Variants in TRAPPC11 observed in about 807,000 individuals in gnomAD.
TRAPPC11 encodes trafficking protein particle complex subunit 11, also known as foie gras homolog.
A neutral mutation model predicts 151.2 loss-of-function variants in TRAPPC11; 104 were observed. That is an observed-to-expected ratio of 0.69 (90% confidence interval 0.59 to 0.81). TRAPPC11 has a LOEUF of 0.81. TRAPPC11 is among the 30% of genes least tolerant of loss of function. The probability of loss-of-function intolerance (pLI) is 0.00; values close to 1 mark genes in which losing one functional copy is unlikely to be tolerated. For missense variants in TRAPPC11, 1,230 were observed against 1,349.6 expected (o/e 0.91, Z 1.39); for synonymous variants, 456 against 472.3 (o/e 0.97, Z 0.45).
Position 183,693,039 on chromosome 4 carries a change from C to A in TRAPPC11, c.2129C>A (p.Ala710Asp). ...VLNWQGGGGD[A>D]ASSQEALQAA... The stretch of plus-strand genomic sequence containing the variant: ...AATTGGCAGGGAGGAGGAGGAGATG[C>A]TGCTTCCTCCCAAGAAGCCTTACAG... The change falls in exon 20 of 30, where the codon GCT becomes GAT. Residue 710 changes from alanine (A) to aspartate (D), a missense_variant. Coordinates refer to ENST00000334690, the MANE Select transcript of TRAPPC11 (RefSeq NM_021942.6). The A allele has an allele frequency of 6.2e-7, 1 of 1,613,774 alleles. No individual in the cohort carries two copies. The highest frequency in any genetic ancestry group is 8.5e-7 in the Non-Finnish European group (1 of 1,179,826).
intron 23 of TRAPPC11, among the ~76,000 whole-genome samples, chr4:183,696,544 C>T (rs1736549042): frequency 6.6e-6 from 1 of 152,058 alleles, no homozygotes; most frequent in African/African-American, 2.4e-5. Context: ...TACAGGTGTG[C>T]ACCACCATAC....
At chr4:183,685,839 A>C (rs1426403411) in intron 17 of TRAPPC11, among the ~76,000 whole-genome samples, 1 of 151,590 alleles carries the variant, frequency 6.6e-6, no homozygotes, top group Non-Finnish European at 1.5e-5. Flanking sequence ...CATTTATTTT[A>C]TTTTTCTTTT....
At chr4:183,666,629 A>G (rs1296834509) in intron 3 of TRAPPC11, among the ~76,000 whole-genome samples, 2 of 152,164 alleles carry the variant, frequency 1.3e-5, no homozygotes, top group African/African-American at 4.8e-5. Flanking sequence ...TTAGAAGACT[A>G]ATTGGTCTGA....
chr4:183,692,925 G>A (rs746474518), intron 19 of TRAPPC11, 35 bp from the exon 20 acceptor site: 1 of 1,573,992 alleles, frequency 6.4e-7, no homozygotes, highest in Non-Finnish European at 8.6e-7. Flanking sequence ...GCACATATGA[G>A]ATGACATTTC....
intron 2 of TRAPPC11, among the ~76,000 whole-genome samples, chr4:183,665,317 A>C (rs1330961587): frequency 6.6e-6 from 1 of 151,862 alleles, no homozygotes; most frequent in East Asian, 1.9e-4. Context: ...GATGGTCTCG[A>C]TCTCCTGACC....
At chr4:183,667,636 A>G (rs1397043063) in intron 4 of TRAPPC11, among the ~76,000 whole-genome samples, 1 of 152,182 alleles carries the variant, frequency 6.6e-6, no homozygotes, top group Non-Finnish European at 1.5e-5. Context: ...GTAGACCAAA[A>G]TATATTTTTG....
chr4:183,694,794 C>A (rs1388879741), intron 23 of TRAPPC11, 71 bp downstream of exon 23: 1 of 1,504,018 alleles, frequency 6.6e-7, no homozygotes, highest in African/African-American at 1.4e-5. Context: ...TTTAGTTTAC[C>A]TATAAAATAA....
At chr4:183,672,960 ATTT>A (rs35637688) in intron 5 of TRAPPC11, among the ~76,000 whole-genome samples, 10 of 131,006 alleles carry the variant, frequency 7.6e-5, no homozygotes, top group East Asian at 2.2e-4. Flanking sequence ...CCGTTCGCAA[ATTT>A]TTTTTTTTTT....
rs185570336 is a variant in TRAPPC11, at chr4:183,683,970, C to G, written c.1208-5C>G. ...CTAAAATGAGTTGTGTCTCATCTTA[C>G]GCAGGTTTTGATCTTTCTGATCCTG... On this transcript the variant is annotated splice_region_variant and splice_polypyrimidine_tract_variant and intron_variant, in intron 11 of 29. Transcript: ENST00000334690. 4 of 1,612,570 alleles carry G rather than the reference C, an allele frequency of 2.5e-6. No homozygotes were observed. The highest frequency in any genetic ancestry group is 2.5e-6 in the Non-Finnish European group (3 of 1,178,840).
chr4:183,700,576 T>C (rs1032571424), intron 25 of TRAPPC11, among the ~76,000 whole-genome samples: 2 of 152,174 alleles, frequency 1.3e-5, no homozygotes, highest in African/African-American at 2.4e-5. Flanking sequence ...TGGGCGCTTA[T>C]CTTGTCATCA....
At chr4:183,680,838 G>A (rs112790473) in intron 10 of TRAPPC11, among the ~76,000 whole-genome samples, 12 of 151,824 alleles carry the variant, frequency 7.9e-5, no homozygotes, top group African/African-American at 1.7e-4. Flanking sequence ...GATTACAGGC[G>A]CCCGCCACCA....
rs766190717 is a variant in TRAPPC11, at chr4:183,675,250, T to G, written c.734+13T>G. The G allele has an allele frequency of 3.4e-6, 5 of 1,484,560 alleles. No homozygotes were observed. In the Admixed American group the frequency reaches 8.9e-5, roughly 26 times the overall value. The allele number at this position is 1,484,560 out of a possible 1,614,324, so 92.0% of individuals were successfully genotyped here. A position where few individuals can be genotyped will look rare whatever the true frequency, so the allele number is the denominator to read the frequency against. On this transcript the variant is annotated intron_variant, in intron 7 of 29. Coordinates refer to ENST00000334690, the MANE Select transcript of TRAPPC11 (RefSeq NM_021942.6). ...AAAATGCGCTGAAGTAAGTTAAGCT[T>G]TCAAACTAAATGTTTCCTATTTTTA... is the stretch of plus-strand genomic sequence containing the variant.
rs545880311 is a variant in TRAPPC11, at chr4:183,670,443, G to T, written c.560+2326G>T. Among the ~76,000 whole-genome samples, 7 of 152,158 alleles carry T rather than the reference G, an allele frequency of 4.6e-5. No individual in the cohort carries two copies. The South Asian group carries it at 1.4e-3, about 31-fold the overall frequency. On this transcript the variant is annotated intron_variant, in intron 5 of 29. Coordinates refer to ENST00000334690, the MANE Select transcript of TRAPPC11 (RefSeq NM_021942.6). ...CCTCTTAGGACAATAGGCTGTCTGTGTCATGCTTACTAGCAGCTGTTTAAA... is the reference window on the plus strand; with the variant it reads ...CCTCTTAGGACAATAGGCTGTCTGTTTCATGCTTACTAGCAGCTGTTTAAA...
At chr4:183,661,779 T>TTTTTG (rs1734561439) in intron 1 of TRAPPC11, among the ~76,000 whole-genome samples, 2 of 142,258 alleles carry the variant, frequency 1.4e-5, no homozygotes, top group Admixed American at 6.9e-5. Context: ...TTTTTTTTTT[T>TTTTTG]GTGGCACAAT....
chr4:183,713,273 T>C lies in TRAPPC11; in HGVS notation c.*629T>C, dbSNP rs2111115682. The C allele has an allele frequency of 6.6e-6, 1 of 152,464 alleles. No individual in the cohort carries two copies. The highest frequency in any genetic ancestry group is 1.5e-5 in the Non-Finnish European group (1 of 68,040). The allele number at this position is 152,464 out of a possible 1,614,324, so 9.4% of individuals were successfully genotyped here. ...TCATTTATGAAGCAGGTTCATATTT[T>C]AGAGGTGTTAATAAAATCCTCATCG... On this transcript the variant is annotated 3_prime_UTR_variant, in exon 30 of 30. Transcript: ENST00000334690.
rs760919915 is a variant in TRAPPC11 at position 183,693,639 on chromosome 4, C to T, written c.2288C>T (p.Pro763Leu). 6.2e-7 allele frequency: 1 copy of T among 1,614,164 alleles called. No homozygotes were observed. Among genetic ancestry groups the T allele is most frequent in the South Asian group, 1.1e-5 (1 of 91,086 alleles). Reference protein sequence around the residue: ...NISVHLLHEPPALTNEMYCLV... With the variant: ...NISVHLLHEPLALTNEMYCLV... ...TCTGTACATCTGCTACATGAACCCC[C>T]TGCACTGACTAATGAAATGTATTGT... Residue 763 changes from proline (P) to leucine (L), a missense_variant, in exon 21 of 30, where the codon CCT becomes CTT. Pro to Leu is a moderately conservative substitution (Grantham distance 98, BLOSUM62 -3). Transcript: ENST00000334690.
At chr4:183,665,471 T>C (rs1734833201) in intron 2 of TRAPPC11, among the ~76,000 whole-genome samples, 1 of 152,234 alleles carries the variant, frequency 6.6e-6, no homozygotes, top group South Asian at 2.1e-4. Flanking sequence ...TTTCTCTTAA[T>C]GCTCGAATTC....
chr4:183,689,929 G>A (rs957394675), intron 18 of TRAPPC11, among the ~76,000 whole-genome samples: 1 of 152,208 alleles, frequency 6.6e-6, no homozygotes. Flanking sequence ...CAGGCGGGGC[G>A]CAGTGGCTCA....
In TRAPPC11 at chr4:183,672,193, G is replaced by A. The variant is rs146583769; in HGVS notation, c.561-2520G>A. ...AAATAAATAGATGTGACCTGGGAAGGTTTAAGGAAGAGGAAGGCCTGCAAC... is the reference window on the plus strand; with the variant it reads ...AAATAAATAGATGTGACCTGGGAAGATTTAAGGAAGAGGAAGGCCTGCAAC... On this transcript the variant is annotated intron_variant, in intron 5 of 29. Coordinates refer to ENST00000334690, the MANE Select transcript of TRAPPC11 (RefSeq NM_021942.6). Among the ~76,000 whole-genome samples the A allele has an allele frequency of 4.7e-4, 71 of 152,350 alleles. 2 individuals carry two copies. In the East Asian group the frequency reaches 0.013, roughly 27 times the overall value.
Sources: allele counts gnomAD v4.1 joint callset (sites outside exome capture counted in the v4.1 genomes callset), GRCh38; gene constraint gnomAD v4.1.1; transcripts MANE v1.5; gene names NCBI Gene and HGNC (gene_info 2026-07-23, HGNC 2026-07-21).